NRCAM: variants seen among roughly 807,000 people sequenced by gnomAD.
The protein encoded by NRCAM is neuronal cell adhesion molecule.
In NRCAM, 83 loss-of-function variants were observed where a neutral mutation model predicts 156.5. That is an observed-to-expected ratio of 0.53 (90% CI 0.44 to 0.64). The LOEUF (loss-of-function observed/expected upper bound fraction) is 0.64, where lower values mean the gene tolerates loss of function less well. Among genes scored for constraint, NRCAM ranks in the 30% least tolerant of loss-of-function variants. The pLI is 0.00. For missense variants in NRCAM, 1,417 were observed against 1,597.3 expected, an observed-to-expected ratio of 0.89 and a Z score of 1.92; for synonymous variants, 538 against 563.9, an observed-to-expected ratio of 0.95 and a Z score of 0.65.
In NRCAM at chr7:108,178,054, C is replaced by G; in HGVS notation, c.2910G>C (p.Leu970Phe). 6.2e-7 allele frequency: 1 copy of G among 1,613,602 alleles called. No individual in the cohort carries two copies. The highest frequency in any genetic ancestry group is 1.1e-5 in the South Asian group (1 of 91,022). Residue 970 changes from leucine to phenylalanine, a missense_variant, in exon 26 of 33, where the codon TTG (leucine) becomes TTC (phenylalanine). Coordinates refer to ENST00000379028, the MANE Select transcript of NRCAM (RefSeq NM_001037132.4). ...IVNPTLDSLTLEWDPPSHPNG... is the reference protein window; with the variant it reads ...IVNPTLDSLTFEWDPPSHPNG... ...TCGGGTGGCTCGGTGGATCCCATTC[C>G]AAAGTGAGAGAGTCCAGTGTTGGAT... is the stretch of plus-strand genomic sequence containing the variant.
chr7:108,296,498 C>T (rs931923160), intron 3 of NRCAM, among the ~76,000 whole-genome samples: 4 of 151,834 alleles, frequency 2.6e-5, no homozygotes, highest in African/African-American at 9.7e-5. Context: ...GAAGCAGTAG[C>T]AACTCAATAA....
At chr7:108,443,249 G>A (rs964624393) in intron 1 of NRCAM, among the ~76,000 whole-genome samples, 20 of 152,024 alleles carry the variant, frequency 1.3e-4, no homozygotes, top group Admixed American at 2.6e-4. Context: ...CATTTCCCTG[G>A]AGGAGCTCAC....
chr7:108,305,449 C>T (rs929193208), intron 3 of NRCAM, among the ~76,000 whole-genome samples: 8 of 152,166 alleles, frequency 5.3e-5, no homozygotes, highest in Admixed American at 3.3e-4. Context: ...CCCCAGGGAA[C>T]GAAGCCATTT....
chr7:108,394,235 T>G (rs901610548), intron 2 of NRCAM, among the ~76,000 whole-genome samples: 13 of 152,026 alleles, frequency 8.6e-5, no homozygotes, highest in Admixed American at 6.6e-4. Flanking sequence ...CTGTCAACAC[T>G]CCAAGAAGCT....
At chr7:108,423,692 A>G (rs1396327561) in intron 1 of NRCAM, among the ~76,000 whole-genome samples, 2 of 152,224 alleles carry the variant, frequency 1.3e-5, no homozygotes, top group African/African-American at 4.8e-5. Context: ...CAATCATGCT[A>G]AAACATATTA....
intron 7 of NRCAM, 31 bp downstream of exon 7, chr7:108,232,295 G>C (rs2094435928): frequency 6.6e-7 from 1 of 1,510,964 alleles, no homozygotes; most frequent in South Asian, 1.2e-5. Context: ...ACTTTAAAAA[G>C]GGTCATGTTG....
At chr7:108,250,176 T>C (rs1262685612) in intron 3 of NRCAM, among the ~76,000 whole-genome samples, 2 of 152,090 alleles carry the variant, frequency 1.3e-5, no homozygotes, top group Non-Finnish European at 1.5e-5. Context: ...CCCAGCACTT[T>C]GGGAGGCCGA....
intron 2 of NRCAM, among the ~76,000 whole-genome samples, chr7:108,381,757 C>T (rs1042217293): frequency 5.3e-5 from 8 of 151,926 alleles, no homozygotes; most frequent in Non-Finnish European, 1.0e-4. Context: ...GACGGGGTTT[C>T]ACCATGTTGG....
chr7:108,389,072 G>A (rs563572718), intron 2 of NRCAM, among the ~76,000 whole-genome samples: 1 of 152,262 alleles, frequency 6.6e-6, no homozygotes, highest in South Asian at 2.1e-4. Flanking sequence ...GAACTTTAAA[G>A]TAGTTTTTTC....
At position 108,237,784 on chromosome 7, in the gene NRCAM, ATATCAGCAGG is replaced by A; in HGVS notation, c.107-25_107-16del. 6.3e-7 allele frequency: 1 copy of A among 1,590,004 alleles called. No homozygotes were observed. The highest frequency in any genetic ancestry group is 8.6e-7 in the Non-Finnish European group (1 of 1,168,022). On this transcript the variant is annotated splice_polypyrimidine_tract_variant and intron_variant, in intron 4 of 32. Coordinates refer to ENST00000379028, the MANE Select transcript of NRCAM (RefSeq NM_001037132.4). ...AAGAAGTTTTGCTTTTTCCCCATCA[ATATCAGCAGG>A]TAAGTGGGCAAAGAGGATTAAAGAA...
chr7:108,424,062 G>C (rs1024694734), intron 1 of NRCAM, among the ~76,000 whole-genome samples: 2 of 152,156 alleles, frequency 1.3e-5, no homozygotes, highest in African/African-American at 4.8e-5. Context: ...TTGTTCTGAT[G>C]ATCAATCACA....
intron 1 of NRCAM, among the ~76,000 whole-genome samples, chr7:108,445,691 T>G (rs1308749334): frequency 1.3e-5 from 2 of 152,198 alleles, no homozygotes; most frequent in African/African-American, 4.8e-5. Flanking sequence ...TCCAAAGCCA[T>G]GCAGTGTATG....
At chr7:108,422,268 C>T (rs1371753186) in intron 1 of NRCAM, among the ~76,000 whole-genome samples, 3 of 152,158 alleles carry the variant, frequency 2.0e-5, no homozygotes, top group Non-Finnish European at 4.4e-5. Flanking sequence ...TAGTAGCTAA[C>T]ATTTATTTAG....
chr7:108,212,579 C>T (rs1408202219), intron 11 of NRCAM, among the ~76,000 whole-genome samples: 1 of 152,098 alleles, frequency 6.6e-6, no homozygotes, highest in East Asian at 1.9e-4. Flanking sequence ...AAACATTGGA[C>T]ACACTTATAG....
chr7:108,397,252 T>A (rs2099779379), intron 2 of NRCAM, among the ~76,000 whole-genome samples: 1 of 152,184 alleles, frequency 6.6e-6, no homozygotes. Flanking sequence ...CGTGGACCTT[T>A]AAAGTTCCTG....
At chr7:108,233,365 G>C (rs2094543092) in intron 6 of NRCAM, among the ~76,000 whole-genome samples, 1 of 152,194 alleles carries the variant, frequency 6.6e-6, no homozygotes. Context: ...AACCAGGGCA[G>C]GAACTGGTGG....
chr7:108,153,252 T>A (rs1310799112), intron 32 of NRCAM, among the ~76,000 whole-genome samples: 1 of 152,122 alleles, frequency 6.6e-6, no homozygotes, highest in Non-Finnish European at 1.5e-5. Flanking sequence ...ATATTTCATA[T>A]CCAGGTTGGG....
intron 1 of NRCAM, among the ~76,000 whole-genome samples, chr7:108,422,278 G>C (rs2154437188): frequency 6.6e-6 from 1 of 152,158 alleles, no homozygotes; most frequent in East Asian, 1.9e-4. Flanking sequence ...CATTTATTTA[G>C]TGCTATATGC....
chr7:108,443,250 A>G (rs1238931008), intron 1 of NRCAM, among the ~76,000 whole-genome samples: 1 of 152,096 alleles, frequency 6.6e-6, no homozygotes, highest in Non-Finnish European at 1.5e-5. Flanking sequence ...ATTTCCCTGG[A>G]GGAGCTCACC....
Sources: allele counts gnomAD v4.1 joint callset (sites outside exome capture counted in the v4.1 genomes callset), GRCh38; gene constraint gnomAD v4.1.1; transcripts MANE v1.5; gene names NCBI Gene and HGNC (gene_info 2026-07-23, HGNC 2026-07-21).